Variants in XYLT1 observed in about 807,000 individuals in gnomAD.
The protein encoded by XYLT1 is beta-D-xylosyltransferase 1.
XYLT1 carries 36 observed loss-of-function variants against 91.3 expected under a neutral mutation model. The observed-to-expected ratio is 0.39, with a 90% CI of 0.30 to 0.52. The LOEUF (loss-of-function observed/expected upper bound fraction) is 0.52. Ranked by LOEUF, XYLT1 falls within the 20% of genes least tolerant of loss-of-function variation. XYLT1 has a pLI of 0.68. For missense variants in XYLT1, 1,242 were observed against 1,284.5 expected (o/e 0.97, Z 0.51); for synonymous variants, 588 against 532.0 (o/e 1.11, Z -1.45).
At chr16:17,179,044 G>A (rs998913355) in intron 5 of XYLT1, among the ~76,000 whole-genome samples, 2 of 151,806 alleles carry the variant, frequency 1.3e-5, no homozygotes, top group African/African-American at 2.4e-5. Context: ...ACTCCAGCCA[G>A]GGTGACAGAA....
At chr16:17,388,427 C>A (rs1436018097) in intron 1 of XYLT1, among the ~76,000 whole-genome samples, 1 of 152,080 alleles carries the variant, frequency 6.6e-6, no homozygotes, top group Non-Finnish European at 1.5e-5. Flanking sequence ...AATTCATGAA[C>A]AGGGCCTCAG....
At chr16:17,446,578 T>G (rs960702869) in intron 1 of XYLT1, among the ~76,000 whole-genome samples, 1 of 152,174 alleles carries the variant, frequency 6.6e-6, no homozygotes, top group Admixed American at 6.5e-5. Flanking sequence ...AGTGTCATAT[T>G]CAGAAAACAC....
intron 2 of XYLT1, among the ~76,000 whole-genome samples, chr16:17,294,146 C>T (rs1223730616): frequency 6.6e-6 from 1 of 152,118 alleles, no homozygotes; most frequent in Non-Finnish European, 1.5e-5. Context: ...CTGAAGGGGT[C>T]CCCTGCTCAG....
At chr16:17,336,474 GAGA>G (rs1440753342) in intron 2 of XYLT1, among the ~76,000 whole-genome samples, 2 of 152,314 alleles carry the variant, frequency 1.3e-5, no homozygotes, top group African/African-American at 4.8e-5. Context: ...AAAGGCCAGT[GAGA>G]AGATGTTGAC....
intron 1 of XYLT1, among the ~76,000 whole-genome samples, chr16:17,424,482 A>G (rs1357212217): frequency 6.6e-5 from 10 of 152,240 alleles, no homozygotes; most frequent in Non-Finnish European, 1.5e-4. Context: ...GGTTGAGCTA[A>G]GTAAAAAGTG....
intron 3 of XYLT1, among the ~76,000 whole-genome samples, chr16:17,242,067 G>A (rs972567936): frequency 2.0e-5 from 3 of 152,142 alleles, no homozygotes; most frequent in Admixed American, 6.5e-5. Context: ...ACCATCATAA[G>A]AACAGCAAAA....
At position 17,310,504 on chromosome 16, in the gene XYLT1, C is replaced by T. The variant is rs149262797; in HGVS notation, c.402+47508G>A. Among the ~76,000 whole-genome samples the T allele has an allele frequency of 3.6e-3, 549 of 152,212 alleles. 5 individuals are homozygous for T. Among genetic ancestry groups the T allele is most frequent in the African/African-American group, 0.013 (531 of 41,524 alleles). Reference sequence around the variant, plus strand: ...TTGCATCTTCTGCTCAATAATGTGCCCTCCTCCTACTCAGGGTCAGTAAAC... The same window carrying T: ...TTGCATCTTCTGCTCAATAATGTGCTCTCCTCCTACTCAGGGTCAGTAAAC... On this transcript the variant is annotated intron_variant, in intron 2 of 11. Transcript: ENST00000261381.
chr16:17,144,820 C>T (rs557794596), intron 6 of XYLT1, among the ~76,000 whole-genome samples: 1 of 152,166 alleles, frequency 6.6e-6, no homozygotes, highest in African/African-American at 2.4e-5. Flanking sequence ...CAGGCAGCAC[C>T]GAGTGCCTAC....
chr16:17,191,325 A>C (rs2032305342), intron 5 of XYLT1, among the ~76,000 whole-genome samples: 1 of 152,206 alleles, frequency 6.6e-6, no homozygotes, highest in African/African-American at 2.4e-5. Flanking sequence ...TAGCAGACTA[A>C]AGGGATGTGA....
intron 1 of XYLT1, among the ~76,000 whole-genome samples, chr16:17,437,371 C>T (rs2036471401): frequency 6.6e-6 from 1 of 152,150 alleles, no homozygotes; most frequent in Non-Finnish European, 1.5e-5. Flanking sequence ...ACCCACTTTT[C>T]AAACCCGGCA....
At position 17,105,048 on chromosome 16, in the gene XYLT1, C is replaced by T. The variant is rs968004855; in HGVS notation, c.*3647G>A. 1 of 152,180 alleles carries T rather than the reference C, an allele frequency of 6.6e-6. No homozygotes were observed. Among genetic ancestry groups the T allele is most frequent in the Non-Finnish European group, 1.5e-5 (1 of 68,050 alleles). 9.4% of individuals were successfully genotyped at this position (152,180 alleles called of 1,614,324 possible). On this transcript the variant is annotated 3_prime_UTR_variant, in exon 12 of 12. Coordinates refer to ENST00000261381, the MANE Select transcript of XYLT1 (RefSeq NM_022166.4). ...CTCCACCCCTAGATGTACCCCTCCACCTGAATGTACACCTCTCCACCCCTC... is the reference window on the plus strand; with the variant it reads ...CTCCACCCCTAGATGTACCCCTCCATCTGAATGTACACCTCTCCACCCCTC...
intron 3 of XYLT1, among the ~76,000 whole-genome samples, chr16:17,256,187 G>C (rs1423067291): frequency 6.6e-6 from 1 of 152,150 alleles, no homozygotes; most frequent in Non-Finnish European, 1.5e-5. Context: ...CTCTTTCTGT[G>C]CAATGAGTGT....
Position 17,321,342 on chromosome 16 carries a change from C to CTTTTTTTTTTTTTTTTTTTTTTTT in XYLT1, c.402+36646_402+36669dup, listed in dbSNP as rs10606202. On this transcript the variant is annotated intron_variant, in intron 2 of 11. Transcript: ENST00000261381. ...GACAGTTCCCAAAGTACTAACTAGC[C>CTTTTTTTTTTTTTTTTTTTTTTTT]TTTTTTTTTTTTTTTTTTTTTTTTT... Among the ~76,000 whole-genome samples, 2 of 43,624 alleles carry CTTTTTTTTTTTTTTTTTTTTTTTT rather than the reference C, an allele frequency of 4.6e-5. 1 individual carries two copies. The highest frequency in any genetic ancestry group is 8.4e-5 in the Non-Finnish European group (2 of 23,762). The allele number at this position is 43,624 out of a possible 152,430, so 28.6% of individuals were successfully genotyped here. A position where few individuals can be genotyped will look rare whatever the true frequency, so the allele number is the denominator to read the frequency against.
At chr16:17,470,350 C>A in intron 1 of XYLT1, 84 bp downstream of exon 1, 1 of 1,198,868 alleles carries the variant, frequency 8.3e-7, no homozygotes, top group Non-Finnish European at 1.0e-6. Flanking sequence ...GTCTGATGAC[C>A]GAGTTCAAGG....
intron 1 of XYLT1, among the ~76,000 whole-genome samples, chr16:17,385,193 G>A (rs1269903253): frequency 2.0e-5 from 3 of 150,950 alleles, no homozygotes; most frequent in Admixed American, 6.7e-5. Context: ...TCACCTCTTC[G>A]TAGATGTGAC....
chr16:17,328,166 A>G (rs557730550), intron 2 of XYLT1, among the ~76,000 whole-genome samples: 1 of 151,968 alleles, frequency 6.6e-6, no homozygotes, highest in Non-Finnish European at 1.5e-5. Context: ...ACCAGAGCCT[A>G]TTTTTCTCTG....
At chr16:17,252,815 G>C (rs895929501) in intron 3 of XYLT1, among the ~76,000 whole-genome samples, 1 of 152,176 alleles carries the variant, frequency 6.6e-6, no homozygotes, top group African/African-American at 2.4e-5. Flanking sequence ...GAATTTTTCA[G>C]ACTTGCAGCC....
chr16:17,254,989 T>TC (rs1340151698), intron 3 of XYLT1, among the ~76,000 whole-genome samples: 1 of 136,548 alleles, frequency 7.3e-6, no homozygotes, highest in Non-Finnish European at 1.5e-5. Flanking sequence ...TTCCTTTTTT[T>TC]CTTTTTCTTT....
chr16:17,377,049 T>C (rs2035611531), intron 1 of XYLT1, among the ~76,000 whole-genome samples: 1 of 151,536 alleles, frequency 6.6e-6, no homozygotes, highest in South Asian at 2.1e-4. Context: ...TGGTGGCACA[T>C]GCCTGTAATC....
Sources: allele counts gnomAD v4.1 joint callset (sites outside exome capture counted in the v4.1 genomes callset), GRCh38; gene constraint gnomAD v4.1.1; transcripts MANE v1.5; gene names NCBI Gene and HGNC (gene_info 2026-07-23, HGNC 2026-07-21).